Variants in USP24 observed in about 807,000 individuals in gnomAD.
USP24 encodes the protein ubiquitin carboxyl-terminal hydrolase 24.
In USP24, 97 loss-of-function variants were observed where a neutral mutation model predicts 361.6. The ratio of observed to expected loss-of-function variants is 0.27; its 90% confidence interval spans 0.23 to 0.32. The LOEUF (loss-of-function observed/expected upper bound fraction) is 0.32, where lower values mean the gene tolerates loss of function less well. Among genes scored for constraint, USP24 ranks in the 10% least tolerant of loss-of-function variants. USP24 has a pLI of 1.00. For missense variants in USP24, 2,353 were observed against 3,165.6 expected (o/e 0.74, Z 6.16); for synonymous variants, 1,098 against 1,124.6 (o/e 0.98, Z 0.47).
At chr1:55,083,176 T>C in intron 58 of USP24, 96 bp downstream of exon 58, 1 of 1,260,460 alleles carries the variant, frequency 7.9e-7, no homozygotes, top group Non-Finnish European at 1.1e-6. Context: ...CTACTTAGAC[T>C]TTTATGAAAT....
chr1:55,130,005 G>T (rs144320610), intron 31 of USP24, among the ~76,000 whole-genome samples: 1,814 of 152,242 alleles, frequency 0.012, 40 homozygotes, highest in African/African-American at 0.042. Flanking sequence ...AATGTATCAG[G>T]CATATGTATT....
intron 1 of USP24, among the ~76,000 whole-genome samples, chr1:55,186,214 AT>A (rs1380353836): frequency 6.6e-6 from 1 of 152,226 alleles, no homozygotes; most frequent in African/African-American, 2.4e-5. Context: ...TTACCCTGAT[AT>A]TAAAAATGGA....
intron 1 of USP24, among the ~76,000 whole-genome samples, chr1:55,185,770 T>C (rs74399222): frequency 0.025 from 3,733 of 151,878 alleles, 56 homozygotes; most frequent in Non-Finnish European, 0.037. Flanking sequence ...GGACTCACTA[T>C]GTTGTCCAGC....
Position 55,099,761 on chromosome 1 carries a change from C to A in USP24, c.5370+10G>T. 6.5e-7 allele frequency: 1 copy of A among 1,544,532 alleles called. No individual in the cohort carries two copies. Among genetic ancestry groups the A allele is most frequent in the Non-Finnish European group, 8.8e-7 (1 of 1,141,010 alleles). On this transcript the variant is annotated intron_variant, in intron 45 of 67. Coordinates refer to ENST00000294383, the MANE Select transcript of USP24 (RefSeq NM_015306.3). ...TGAGGGAGTTAGAGGGAAAGTACAA[C>A]TTTTACTACCTTGAGGTATTCATCC... is the stretch of plus-strand genomic sequence containing the variant.
At chr1:55,147,968 C>A (rs959574562) in intron 17 of USP24, among the ~76,000 whole-genome samples, 170 bp from the exon 18 acceptor site, 2 of 152,080 alleles carry the variant, frequency 1.3e-5, no homozygotes, top group African/African-American at 4.8e-5. Context: ...CTGGTATGTA[C>A]ATTTACTAGA....
chr1:55,187,037 C>T (rs994666529), intron 1 of USP24, among the ~76,000 whole-genome samples: 28 of 151,874 alleles, frequency 1.8e-4, no homozygotes, highest in African/African-American at 6.0e-4. Context: ...AAACCAAATC[C>T]ACACATATAT....
intron 5 of USP24, among the ~76,000 whole-genome samples, chr1:55,169,984 T>G (rs79045861): frequency 1.3e-5 from 2 of 152,096 alleles, no homozygotes; most frequent in Admixed American, 1.3e-4. Flanking sequence ...TAGTGAAATT[T>G]AGATTTTGTT....
intron 1 of USP24, among the ~76,000 whole-genome samples, chr1:55,183,032 A>C (rs907190921): frequency 2.0e-5 from 3 of 152,144 alleles, no homozygotes; most frequent in African/African-American, 7.2e-5. Context: ...AAACAGTCTA[A>C]AAATGGTCTA....
intron 1 of USP24, among the ~76,000 whole-genome samples, chr1:55,203,110 C>T (rs545585414): frequency 6.6e-6 from 1 of 152,272 alleles, no homozygotes; most frequent in African/African-American, 2.4e-5. Flanking sequence ...GAAAACACAA[C>T]ATATATAGGG....
At chr1:55,114,431 C>T (rs927558820) in intron 38 of USP24, among the ~76,000 whole-genome samples, 1 of 152,130 alleles carries the variant, frequency 6.6e-6, no homozygotes, top group Admixed American at 6.5e-5. Flanking sequence ...ACCTGTATAG[C>T]CAAGACAATC....
intron 1 of USP24, among the ~76,000 whole-genome samples, chr1:55,190,274 A>T (rs1354780293): frequency 6.6e-6 from 1 of 152,116 alleles, no homozygotes; most frequent in Admixed American, 6.5e-5. Flanking sequence ...TTAAAACTGG[A>T]AGCAACAGCG....
chr1:55,136,245 C>G (rs1646731850), intron 28 of USP24, among the ~76,000 whole-genome samples: 1 of 152,092 alleles, frequency 6.6e-6, no homozygotes, highest in Non-Finnish European at 1.5e-5. Flanking sequence ...AGTTTAGGCA[C>G]AGGGAAGAGC....
At chr1:55,190,692 T>A (rs1644263371) in intron 1 of USP24, among the ~76,000 whole-genome samples, 1 of 152,176 alleles carries the variant, frequency 6.6e-6, no homozygotes, top group Non-Finnish European at 1.5e-5. Context: ...AAATGCTCAG[T>A]GCTGAGGACA....
At chr1:55,153,239 C>G (rs1366168026) in intron 16 of USP24, among the ~76,000 whole-genome samples, 3 of 152,110 alleles carry the variant, frequency 2.0e-5, no homozygotes, top group African/African-American at 7.2e-5. Context: ...AACAGGAGAG[C>G]TGCAATCATT....
intron 31 of USP24, 141 bp downstream of exon 31, chr1:55,132,404 A>T: frequency 9.3e-7 from 1 of 1,079,946 alleles, no homozygotes; most frequent in Non-Finnish European, 1.3e-6. Context: ...GTTTCAATTT[A>T]TAATCTATTT....
At chr1:55,097,493 C>T in intron 48 of USP24, 105 bp downstream of exon 48, 3 of 1,441,912 alleles carry the variant, frequency 2.1e-6, no homozygotes, top group Non-Finnish European at 2.8e-6. Context: ...GCTGAGACAA[C>T]AGCCTTAACA....
At chr1:55,177,700 T>G (rs1650131844) in intron 2 of USP24, among the ~76,000 whole-genome samples, 1 of 152,232 alleles carries the variant, frequency 6.6e-6, no homozygotes, top group Admixed American at 6.5e-5. Flanking sequence ...AGCCTTAATT[T>G]AAAGTACTCC....
At chr1:55,126,293 G>A (rs1287382723) in intron 32 of USP24, among the ~76,000 whole-genome samples, 2 of 152,226 alleles carry the variant, frequency 1.3e-5, no homozygotes, top group Non-Finnish European at 2.9e-5. Flanking sequence ...CCTCTGAAAA[G>A]CTTTCTCCTG....
rs988809944 is a variant in USP24 at position 55,125,674 on chromosome 1, T to C, written c.3720A>G (p.Leu1240=). 3.8e-6 allele frequency: 6 copies of C among 1,594,416 alleles called. No homozygotes were observed. In the African/African-American group the frequency reaches 6.7e-5, roughly 18 times the overall value. ...ETRQGVYSIC[L]QLARFLLVGQ... is the part of the protein sequence containing the mutation. The stretch of plus-strand genomic sequence containing the variant: ...ATATATTTACATACCTTGCAAGCTG[T>C]AGACAGATGGAATAAACACCCTGCC... Residue 1240 remains leucine, a synonymous_variant, in exon 33 of 68, where the codon CTA becomes CTG. Coordinates refer to ENST00000294383, the MANE Select transcript of USP24 (RefSeq NM_015306.3).
Sources: allele counts gnomAD v4.1 joint callset (sites outside exome capture counted in the v4.1 genomes callset), GRCh38; gene constraint gnomAD v4.1.1; transcripts MANE v1.5; gene names NCBI Gene and HGNC (gene_info 2026-07-23, HGNC 2026-07-21).